Variants in GRIN2B observed in about 807,000 individuals in gnomAD.
GRIN2B encodes the protein glutamate receptor ionotropic, NMDA 2B.
Under a neutral mutation model 114.5 loss-of-function variants are expected in GRIN2B, and 5 were observed. The ratio of observed to expected loss-of-function variants is 0.04; its 90% CI spans 0.02 to 0.09. GRIN2B has a LOEUF of 0.09. GRIN2B is among the 10% of genes least tolerant of loss of function. GRIN2B has a pLI of 1.00. For missense variants in GRIN2B, 1,108 were observed against 1,943.5 expected, an observed-to-expected ratio of 0.57 and a Z score of 8.08; for synonymous variants, 787 against 745.1, an observed-to-expected ratio of 1.06 and a Z score of -0.92.
At position 13,561,222 on chromosome 12, in the gene GRIN2B, A is replaced by C. The variant is rs1042835482; in HGVS notation, c.*1561T>G. 1 of 152,032 alleles carries C rather than the reference A, an allele frequency of 6.6e-6. No individual in the cohort carries two copies. Among genetic ancestry groups the C allele is most frequent in the Non-Finnish European group, 1.5e-5 (1 of 68,012 alleles). The allele number at this position is 152,032 out of a possible 1,614,324, so 9.4% of individuals were successfully genotyped here. ...TCTTTTTTTATTCCTCAATGGTACA[A>C]TCTGAGAGGGAAACAAGGTGTTGCA... is the stretch of plus-strand genomic sequence containing the variant. On this transcript the variant is annotated 3_prime_UTR_variant, in exon 14 of 14. Coordinates refer to ENST00000609686, the MANE Select transcript of GRIN2B (RefSeq NM_000834.5).
At chr12:13,846,860 A>G (rs547845322) in intron 3 of GRIN2B, among the ~76,000 whole-genome samples, 1 of 152,232 alleles carries the variant, frequency 6.6e-6, no homozygotes, top group South Asian at 2.1e-4. Context: ...GGAGGGGAGG[A>G]TTCCTAGGAA....
chr12:13,731,410 TA>T (rs1863084330), intron 4 of GRIN2B, among the ~76,000 whole-genome samples: 1 of 152,062 alleles, frequency 6.6e-6, no homozygotes, highest in Middle Eastern at 3.2e-3. Context: ...CCATCATGGC[TA>T]ACACGGTGAA....
chr12:13,962,822 C>T (rs1055697044), intron 2 of GRIN2B, among the ~76,000 whole-genome samples: 1 of 152,182 alleles, frequency 6.6e-6, no homozygotes, highest in African/African-American at 2.4e-5. Flanking sequence ...GATTCTCCCC[C>T]AGAAGAGTGC....
intron 5 of GRIN2B, among the ~76,000 whole-genome samples, chr12:13,672,492 A>T (rs1051812641): frequency 1.3e-5 from 2 of 152,124 alleles, no homozygotes; most frequent in East Asian, 3.9e-4. Flanking sequence ...TGTCCTGGGG[A>T]CGAGGATAAC....
intron 10 of GRIN2B, among the ~76,000 whole-genome samples, chr12:13,605,551 TGA>T (rs1491495030): frequency 0.029 from 893 of 30,286 alleles, 7 homozygotes; most frequent in African/African-American, 0.084. Context: ...TCTCTCTCTC[TGA>T]CACACACACA....
chr12:13,734,926 G>C (rs750318819), intron 4 of GRIN2B, among the ~76,000 whole-genome samples: 1 of 152,178 alleles, frequency 6.6e-6, no homozygotes, highest in Non-Finnish European at 1.5e-5. Flanking sequence ...GCCATACTAA[G>C]AGAGTGGCCA....
rs569245368 is a variant in GRIN2B, at chr12:13,756,281, T to C, written c.412-2366A>G. ...CACCTGCCTCAGCCTCCCAAAGTGC[T>C]GGGATTACAGGCGTGAGCTACTGCG... On this transcript the variant is annotated intron_variant, in intron 3 of 13. Transcript: ENST00000609686. 1.1e-4 allele frequency among the ~76,000 whole-genome samples: 16 copies of C among 152,338 alleles called. No individual in the cohort carries two copies. The East Asian group carries it at 3.1e-3, about 29-fold the overall frequency.
intron 5 of GRIN2B, among the ~76,000 whole-genome samples, chr12:13,647,964 G>A (rs1369871240): frequency 6.6e-6 from 1 of 152,082 alleles, no homozygotes; most frequent in African/African-American, 2.4e-5. Context: ...AGAGAGCATT[G>A]GTTGAGATAT....
At chr12:13,766,045 C>T (rs1231322569) in intron 3 of GRIN2B, among the ~76,000 whole-genome samples, 1 of 152,210 alleles carries the variant, frequency 6.6e-6, no homozygotes, top group Non-Finnish European at 1.5e-5. Flanking sequence ...TATCCACTGG[C>T]ACTGCTAACT....
intron 4 of GRIN2B, among the ~76,000 whole-genome samples, chr12:13,696,904 A>G (rs1293074374): frequency 6.6e-6 from 1 of 152,182 alleles, no homozygotes; most frequent in Non-Finnish European, 1.5e-5. Flanking sequence ...AGCTCCTACC[A>G]TGAAGCAGAA....
chr12:13,731,557 C>T (rs1252599039), intron 4 of GRIN2B, among the ~76,000 whole-genome samples: 3 of 152,116 alleles, frequency 2.0e-5, no homozygotes, highest in Non-Finnish European at 2.9e-5. Flanking sequence ...GCCGAGATTG[C>T]ACCACTGCAC....
intron 3 of GRIN2B, among the ~76,000 whole-genome samples, chr12:13,794,159 C>G (rs1864371143): frequency 7.5e-6 from 1 of 133,724 alleles, no homozygotes; most frequent in African/African-American, 2.8e-5. Flanking sequence ...GAGTTGAGAT[C>G]ACTTCATTGC....
At chr12:13,776,317 T>C (rs896328106) in intron 3 of GRIN2B, among the ~76,000 whole-genome samples, 3 of 152,158 alleles carry the variant, frequency 2.0e-5, no homozygotes, top group African/African-American at 7.2e-5. Flanking sequence ...AGCTAATGGA[T>C]GCTGGGCTTA....
intron 2 of GRIN2B, among the ~76,000 whole-genome samples, chr12:13,887,504 A>T (rs1345099555): frequency 6.6e-6 from 1 of 152,216 alleles, no homozygotes; most frequent in African/African-American, 2.4e-5. Context: ...ATTCAACAGA[A>T]CTCATACAAA....
chr12:13,560,960 G>A lies in GRIN2B; in HGVS notation c.*1823C>T, dbSNP rs563567627. ...CACCTTTCTGGTTTATGTGTCCTGT[G>A]TGCAACATGGCGATCCTGCAGTCAA... is the stretch of plus-strand genomic sequence containing the variant. On this transcript the variant is annotated 3_prime_UTR_variant, in exon 14 of 14. Transcript: ENST00000609686. The A allele has an allele frequency of 6.6e-6, 1 of 152,368 alleles. No homozygotes were observed. Among genetic ancestry groups the A allele is most frequent in the African/African-American group, 2.4e-5 (1 of 41,540 alleles). The allele number at this position is 152,368 out of a possible 1,614,324, so 9.4% of individuals were successfully genotyped here. A position where few individuals can be genotyped will look rare whatever the true frequency, so the allele number is the denominator to read the frequency against.
chr12:13,671,069 TGC>T (rs1950018121), intron 5 of GRIN2B, among the ~76,000 whole-genome samples: 1 of 152,190 alleles, frequency 6.6e-6, no homozygotes, highest in Non-Finnish European at 1.5e-5. Flanking sequence ...GGAACAGCAT[TGC>T]TCTGGAGAGG....
intron 3 of GRIN2B, among the ~76,000 whole-genome samples, chr12:13,756,910 C>G (rs1453065463): frequency 6.6e-6 from 1 of 152,140 alleles, no homozygotes; most frequent in African/African-American, 2.4e-5. Flanking sequence ...ACTCTCTCTC[C>G]CCCAGTTGCA....
intron 3 of GRIN2B, among the ~76,000 whole-genome samples, chr12:13,824,587 G>A (rs1360224859): frequency 6.6e-6 from 1 of 152,068 alleles, no homozygotes; most frequent in Non-Finnish European, 1.5e-5. Flanking sequence ...AGGCGCGGTG[G>A]CTCACGCCTG....
At chr12:13,783,740 T>C (rs985499533) in intron 3 of GRIN2B, among the ~76,000 whole-genome samples, 1 of 151,652 alleles carries the variant, frequency 6.6e-6, no homozygotes, top group Non-Finnish European at 1.5e-5. Context: ...AGGAAAAGAG[T>C]GTGATGAAAT....
Sources: gnomAD v4.1 joint callset for allele counts (sites outside exome capture counted in the v4.1 genomes callset) on GRCh38, gnomAD v4.1.1 for gene constraint, MANE v1.5 for transcripts, NCBI Gene and HGNC (gene_info 2026-07-23, HGNC 2026-07-21) for gene names.